Variants in ZFHX3 observed in about 807,000 individuals in gnomAD.
The protein encoded by ZFHX3 is zinc finger homeobox protein 3.
ZFHX3 carries 42 observed loss-of-function variants against 279.1 expected under a neutral mutation model. That is an observed-to-expected ratio of 0.15 (90% CI 0.12 to 0.19). ZFHX3 has a LOEUF of 0.19. Among genes scored for constraint, ZFHX3 ranks in the 10% least tolerant of loss-of-function variants. The pLI is 1.00. For synonymous variants in ZFHX3, 2,293 were observed against 1,957.8 expected (o/e 1.17, Z -4.52); for missense variants, 4,981 against 4,754.0 (o/e 1.05, Z -1.40).
chr16:73,028,139 G>A (rs1003648952), intron 1 of ZFHX3, among the ~76,000 whole-genome samples: 3 of 152,104 alleles, frequency 2.0e-5, no homozygotes, highest in African/African-American at 7.2e-5. Flanking sequence ...TTTTTTGGGG[G>A]AGTGTGGGGA....
Position 73,518,738 on chromosome 16 carries a change from C to T in ZFHX3, c.-1546-62480G>A, listed in dbSNP as rs140922714. Among the ~76,000 whole-genome samples, 383 of 152,290 alleles carry T rather than the reference C, an allele frequency of 2.5e-3. 1 individual carries two copies. Among genetic ancestry groups the T allele is most frequent in the African/African-American group, 7.6e-3 (315 of 41,572 alleles). On this transcript the variant is annotated intron_variant, in intron 2 of 17. Transcript: ENST00000641206. ...CATCTATCTAACATAAATTATCCTT[C>T]GGCTGCTTTTTCCCCGTTCTGCCGT...
At chr16:73,686,085 A>G (rs2053079822) in intron 1 of ZFHX3, among the ~76,000 whole-genome samples, 1 of 151,256 alleles carries the variant, frequency 6.6e-6, no homozygotes, top group Non-Finnish European at 1.5e-5. Flanking sequence ...ATATTCAGAC[A>G]TTTCTTATTT....
chr16:73,506,723 C>T (rs1338788879), intron 2 of ZFHX3, among the ~76,000 whole-genome samples: 4 of 152,122 alleles, frequency 2.6e-5, no homozygotes, highest in South Asian at 2.1e-4. Context: ...GACATTAACT[C>T]GGTAGCTGAG....
At chr16:73,592,367 G>A (rs1272042789) in intron 2 of ZFHX3, among the ~76,000 whole-genome samples, 1 of 151,974 alleles carries the variant, frequency 6.6e-6, no homozygotes, top group African/African-American at 2.4e-5. Context: ...AGAGAAGGGG[G>A]TGGGATGTGG....
intron 1 of ZFHX3, among the ~76,000 whole-genome samples, chr16:73,761,712 T>C (rs868282436): frequency 2.0e-5 from 3 of 152,016 alleles, no homozygotes; most frequent in Non-Finnish European, 2.9e-5. Flanking sequence ...TCAACAAACC[T>C]GACAAAAACA....
chr16:73,753,948 A>G (rs1182739419), intron 1 of ZFHX3, among the ~76,000 whole-genome samples: 2 of 147,250 alleles, frequency 1.4e-5, no homozygotes, highest in African/African-American at 2.5e-5. Flanking sequence ...ATAGACTATA[A>G]CTGCTGCAAA....
chr16:73,498,099 G>A (rs913248986), intron 2 of ZFHX3, among the ~76,000 whole-genome samples: 1 of 152,224 alleles, frequency 6.6e-6, no homozygotes, highest in African/African-American at 2.4e-5. Flanking sequence ...ACATTGAGTT[G>A]TGAGTTCCTT....
At position 72,959,868 on chromosome 16, in the gene ZFHX3, G is replaced by A. The variant is rs1219225651; in HGVS notation, c.278C>T (p.Thr93Ile). 1.2e-6 allele frequency: 2 copies of A among 1,603,700 alleles called. No homozygotes were observed. The highest frequency in any genetic ancestry group is 3.4e-5 in the Admixed American group (2 of 59,276). ...GCTGGGGCAGTGGTGCTCCATGTAG[G>A]TCTGGAGGCTGGCAAAGGAGGCCGA... Reference protein sequence around the residue: ...ECSASFASLQTYMEHHCPSAR... With the variant: ...ECSASFASLQIYMEHHCPSAR... The change falls in exon 2 of 10, where the codon ACC becomes ATC. Residue 93 changes from threonine (T) to isoleucine (I), a missense_variant. Thr to Ile is a moderately conservative substitution (Grantham distance 89). This residue lies in a region of ZFHX3 where 1,068 missense variants were observed against 935.2 expected (regional missense o/e 1.14). Coordinates refer to ENST00000268489, the MANE Select transcript of ZFHX3 (RefSeq NM_006885.4).
At chr16:73,211,845 G>A (rs933184789) in intron 5 of ZFHX3, among the ~76,000 whole-genome samples, 2 of 152,048 alleles carry the variant, frequency 1.3e-5, no homozygotes, top group South Asian at 4.1e-4. Flanking sequence ...ATGGCAGGGA[G>A]GGGGGTGGCA....
intron 2 of ZFHX3, among the ~76,000 whole-genome samples, chr16:73,593,598 GGGAAGGAA>G (rs199722840): frequency 2.7e-5 from 4 of 148,920 alleles, no homozygotes; most frequent in Non-Finnish European, 5.9e-5. Context: ...GAGGGAGGGA[GGGAAGGAA>G]GGAAGGAAGG....
At chr16:73,491,266 T>C (rs968595360) in intron 2 of ZFHX3, among the ~76,000 whole-genome samples, 2 of 152,148 alleles carry the variant, frequency 1.3e-5, no homozygotes, top group Admixed American at 6.5e-5. Context: ...GGCAGAGAGA[T>C]GGAAAAGGAC....
At chr16:73,065,356 G>T (rs1424687704) in intron 8 of ZFHX3, among the ~76,000 whole-genome samples, 1 of 152,066 alleles carries the variant, frequency 6.6e-6, no homozygotes, top group Non-Finnish European at 1.5e-5. Flanking sequence ...TAATGGCCAG[G>T]GAATTGAGTG....
chr16:72,882,065 C>A (rs2038489267), intron 4 of ZFHX3, among the ~76,000 whole-genome samples: 1 of 152,044 alleles, frequency 6.6e-6, no homozygotes, highest in Non-Finnish European at 1.5e-5. Context: ...CATACTCACA[C>A]CCCTAAAAAG....
intron 1 of ZFHX3, among the ~76,000 whole-genome samples, chr16:73,699,579 C>T (rs1379255646): frequency 6.6e-6 from 1 of 152,184 alleles, no homozygotes; most frequent in African/African-American, 2.4e-5. Context: ...TTTAAGAAAA[C>T]AAACACACTA....
At chr16:73,248,507 T>A (rs1299060954) in intron 5 of ZFHX3, among the ~76,000 whole-genome samples, 1 of 151,904 alleles carries the variant, frequency 6.6e-6, no homozygotes, top group Non-Finnish European at 1.5e-5. Flanking sequence ...TCTATGTGTG[T>A]GTGTAGATAC....
At chr16:73,690,258 A>T (rs2053135708) in intron 1 of ZFHX3, among the ~76,000 whole-genome samples, 1 of 152,184 alleles carries the variant, frequency 6.6e-6, no homozygotes, top group East Asian at 1.9e-4. Context: ...ATCCCAAACT[A>T]GATTTGCAGA....
chr16:73,840,462 C>T (rs1384183338), intron 1 of ZFHX3, among the ~76,000 whole-genome samples: 1 of 152,266 alleles, frequency 6.6e-6, no homozygotes, highest in African/African-American at 2.4e-5. Flanking sequence ...CACTCAGGTA[C>T]ACAACGTAAT....
intron 3 of ZFHX3, among the ~76,000 whole-genome samples, chr16:73,416,760 G>T (rs11640643): frequency 7.1e-6 from 1 of 141,242 alleles, no homozygotes; most frequent in Non-Finnish European, 1.6e-5. Context: ...TGTAGTCCCA[G>T]CTACCAGGGA....
chr16:73,860,187 T>C (rs987752353), intron 1 of ZFHX3, among the ~76,000 whole-genome samples: 4 of 152,200 alleles, frequency 2.6e-5, no homozygotes, highest in Admixed American at 1.3e-4. Flanking sequence ...AGAAAAAACA[T>C]TGATAAATTA....
Sources: allele counts gnomAD v4.1 joint callset (sites outside exome capture counted in the v4.1 genomes callset), GRCh38; gene constraint gnomAD v4.1.1; regional missense constraint gnomAD v4.1.1; transcripts MANE v1.5; gene names NCBI Gene and HGNC (gene_info 2026-07-23, HGNC 2026-07-21).